The following XYLT1 variants were observed in gnomAD, a reference collection of about 807,000 sequenced individuals.
The protein encoded by XYLT1 is xylosyltransferase 1, also known as beta-D-xylosyltransferase 1.
Under a neutral mutation model 91.3 loss-of-function variants are expected in XYLT1, and 36 were observed. That is an observed-to-expected ratio of 0.39 (90% confidence interval 0.30 to 0.52). The LOEUF (loss-of-function observed/expected upper bound fraction) is 0.52, where lower values mean the gene tolerates loss of function less well. XYLT1 is among the 20% of genes least tolerant of loss of function. XYLT1 has a pLI of 0.68. For synonymous variants in XYLT1, 588 were observed against 532.0 expected (o/e 1.11, Z -1.45); for missense variants, 1,242 against 1,284.5 (o/e 0.97, Z 0.51).
intron 3 of XYLT1, among the ~76,000 whole-genome samples, chr16:17,204,349 C>A (rs1049595978): frequency 2.6e-5 from 4 of 152,222 alleles, no homozygotes; most frequent in Middle Eastern, 6.8e-3. Flanking sequence ...ACAAATCACT[C>A]CAGCAAGAGA....
At position 17,122,406 on chromosome 16, in the gene XYLT1, G is replaced by A. The variant is rs148414705; in HGVS notation, c.2224-4427C>T. Among the ~76,000 whole-genome samples the A allele has an allele frequency of 6.6e-5, 10 of 152,170 alleles. No individual in the cohort carries two copies. The East Asian group carries it at 1.9e-3, about 29-fold the overall frequency. ...CATTTGTATATCTTCTTTTGAGAAC[G>A]GTCTATTCATGGCCTTAGCCCACTT... On this transcript the variant is annotated intron_variant, in intron 10 of 11. Coordinates refer to ENST00000261381, the MANE Select transcript of XYLT1 (RefSeq NM_022166.4).
chr16:17,249,423 G>A lies in XYLT1; in HGVS notation c.913+9565C>T, dbSNP rs16968631. Among the ~76,000 whole-genome samples the A allele has an allele frequency of 4.3e-3, 651 of 152,290 alleles. 12 individuals carry two copies. In the East Asian group the frequency reaches 0.046, roughly 11 times the overall value. On this transcript the variant is annotated intron_variant, in intron 3 of 11. Transcript: ENST00000261381. ...CTGAGGATTATGATGTGCCAAGCAC[G>A]AGATATTCAAAGATGAGTACGATCA...
chr16:17,132,682 T>TGCCTGAGGTCAGGAGTTC (rs1426446400), intron 9 of XYLT1, among the ~76,000 whole-genome samples: 3 of 152,118 alleles, frequency 2.0e-5, no homozygotes, highest in African/African-American at 7.2e-5. Context: ...GCGGGAGGAT[T>TGCCTGAGGTCAGGAGTTC]GCCTGAGGTC....
At chr16:17,344,363 G>A (rs1258989236) in intron 2 of XYLT1, among the ~76,000 whole-genome samples, 3 of 151,408 alleles carry the variant, frequency 2.0e-5, no homozygotes, top group Non-Finnish European at 4.4e-5. Context: ...CGTGGTGGCG[G>A]GCGCCTGTAG....
intron 5 of XYLT1, among the ~76,000 whole-genome samples, chr16:17,179,576 T>C (rs1306064149): frequency 6.6e-6 from 1 of 152,182 alleles, no homozygotes; most frequent in Admixed American, 6.5e-5. Flanking sequence ...CTACTGTCTC[T>C]TTCTCTAATG....
chr16:17,161,600 A>G (rs2031554406), intron 5 of XYLT1, among the ~76,000 whole-genome samples: 1 of 152,124 alleles, frequency 6.6e-6, no homozygotes, highest in Admixed American at 6.5e-5. Context: ...ATAATTGCCT[A>G]CATAATATTT....
At chr16:17,318,790 C>CTTTTTTTTTTTTTT (rs58376375) in intron 2 of XYLT1, among the ~76,000 whole-genome samples, 1 of 142,642 alleles carries the variant, frequency 7.0e-6, no homozygotes, top group African/African-American at 2.6e-5. Context: ...TCTGCTTACT[C>CTTTTTTTTTTTTTT]TTTTTTTTTT....
intron 1 of XYLT1, among the ~76,000 whole-genome samples, chr16:17,406,755 A>C (rs555019286): frequency 1.3e-5 from 2 of 152,330 alleles, no homozygotes; most frequent in African/African-American, 4.8e-5. Flanking sequence ...GAAGATGCTG[A>C]ACAGCTAAAG....
intron 2 of XYLT1, among the ~76,000 whole-genome samples, chr16:17,297,760 G>A (rs940752492): frequency 6.6e-6 from 1 of 152,094 alleles, no homozygotes; most frequent in Non-Finnish European, 1.5e-5. Flanking sequence ...GGTGGCTCAC[G>A]CCTGTAATCC....
chr16:17,331,854 T>A (rs186415695), intron 2 of XYLT1, among the ~76,000 whole-genome samples: 211 of 152,332 alleles, frequency 1.4e-3, no homozygotes, highest in East Asian at 0.013. Flanking sequence ...GAGCATCTCA[T>A]ATGGCTTGAA....
At position 17,103,690 on chromosome 16, in the gene XYLT1, G is replaced by C. The variant is rs921454433; in HGVS notation, c.*5005C>G. On this transcript the variant is annotated 3_prime_UTR_variant, in exon 12 of 12. Transcript: ENST00000261381. The stretch of plus-strand genomic sequence containing the variant: ...TGGAGTAGATGACGTTAGGGAGGGG[G>C]ATGACAAGGTGCAGAACCCGCTTTC... 2 of 152,160 alleles carry C rather than the reference G, an allele frequency of 1.3e-5. No homozygotes were observed. The highest frequency in any genetic ancestry group is 2.9e-5 in the Non-Finnish European group (2 of 68,048). The allele number at this position is 152,160 out of a possible 1,614,324, so 9.4% of individuals were successfully genotyped here.
intron 6 of XYLT1, among the ~76,000 whole-genome samples, chr16:17,143,722 C>T (rs569372966): frequency 6.6e-6 from 1 of 152,136 alleles, no homozygotes; most frequent in African/African-American, 2.4e-5. Flanking sequence ...TTTCTTCCAC[C>T]ATCATTGCCA....
intron 2 of XYLT1, among the ~76,000 whole-genome samples, chr16:17,336,545 T>C (rs2141842956): frequency 6.6e-6 from 1 of 152,246 alleles, no homozygotes; most frequent in Non-Finnish European, 1.5e-5. Flanking sequence ...GATGTGGATA[T>C]GGATGCGTGT....
At chr16:17,238,794 G>A (rs1485738196) in intron 3 of XYLT1, among the ~76,000 whole-genome samples, 3 of 152,188 alleles carry the variant, frequency 2.0e-5, no homozygotes, top group Non-Finnish European at 2.9e-5. Context: ...CAGTTTCAAC[G>A]GCACCAGTGG....
rs2034565808 is a variant in XYLT1 at position 17,312,458 on chromosome 16, C to T, written c.402+45554G>A. 2.0e-5 allele frequency among the ~76,000 whole-genome samples: 3 copies of T among 152,124 alleles called. No homozygotes were observed. Among genetic ancestry groups the T allele is most frequent in the African/African-American group, 4.8e-5 (2 of 41,432 alleles). The stretch of plus-strand genomic sequence containing the variant: ...GCCTTACCCGCATTAACATGTTTTT[C>T]TTTCTAACTTAAAAAAATAATAATT... On this transcript the variant is annotated intron_variant, in intron 2 of 11. Coordinates refer to ENST00000261381, the MANE Select transcript of XYLT1 (RefSeq NM_022166.4). This position sits in a 1 kb window ranked among gnomAD's most constrained non-coding sequence, Gnocchi z 4.4.
At chr16:17,138,772 A>G (rs563126284) in intron 7 of XYLT1, 54 of 464,186 alleles carry the variant, frequency 1.2e-4, no homozygotes, top group African/African-American at 8.5e-4. Context: ...GCAAAAATGT[A>G]TAACACAACT....
intron 5 of XYLT1, among the ~76,000 whole-genome samples, chr16:17,191,848 C>A (rs2032316642): frequency 6.6e-6 from 1 of 152,214 alleles, no homozygotes; most frequent in South Asian, 2.1e-4. Context: ...ATAGTTTGGA[C>A]TTTGTTGATG....
At chr16:17,215,613 G>C (rs992091162) in intron 3 of XYLT1, among the ~76,000 whole-genome samples, 1 of 152,088 alleles carries the variant, frequency 6.6e-6, no homozygotes, top group African/African-American at 2.4e-5. Context: ...TTAAATGATA[G>C]CCCAGGCAGA....
chr16:17,182,246 C>CA (rs1402291079), intron 5 of XYLT1, among the ~76,000 whole-genome samples: 15 of 152,180 alleles, frequency 9.9e-5, no homozygotes, highest in African/African-American at 2.9e-4. Flanking sequence ...GTGGGTTAAA[C>CA]AATGGAGATT....
Sources: allele counts gnomAD v4.1 joint callset (sites outside exome capture counted in the v4.1 genomes callset), GRCh38; gene constraint gnomAD v4.1.1; non-coding constraint Gnocchi (gnomAD v3.1); transcripts MANE v1.5; gene names NCBI Gene and HGNC (gene_info 2026-07-23, HGNC 2026-07-21).